Variants in TLE4 observed in about 807,000 individuals in gnomAD.
TLE4 encodes the protein TLE family member 4, transcriptional corepressor.
Under a neutral mutation model 92.8 loss-of-function variants are expected in TLE4, and 8 were observed. The ratio of observed to expected loss-of-function variants is 0.09; its 90% CI spans 0.05 to 0.16. The LOEUF is 0.16. Ranked by LOEUF, TLE4 falls within the 10% of genes least tolerant of loss-of-function variation. The pLI, the probability that TLE4 is intolerant of heterozygous loss-of-function variation, is 1.00. For synonymous variants in TLE4, 371 were observed against 374.1 expected (o/e 0.99, Z 0.10); for missense variants, 675 against 997.6 (o/e 0.68, Z 4.36).
At chr9:79,604,497 G>GTTCC (rs1446034173) in intron 4 of TLE4, among the ~76,000 whole-genome samples, 4 of 152,098 alleles carry the variant, frequency 2.6e-5, no homozygotes, top group Non-Finnish European at 4.4e-5. Flanking sequence ...CAGCTTCAAA[G>GTTCC]AATTGGAATT....
intron 7 of TLE4, 49 bp downstream of exon 7, chr9:79,652,843 G>C (rs777216698): frequency 6.3e-7 from 1 of 1,576,798 alleles, no homozygotes; most frequent in Non-Finnish European, 8.7e-7. Context: ...ACTTGCTGCT[G>C]AGGGTAGGTT....
At chr9:79,682,231 G>A (rs2064857276) in intron 8 of TLE4, among the ~76,000 whole-genome samples, 1 of 151,780 alleles carries the variant, frequency 6.6e-6, no homozygotes, top group Admixed American at 6.6e-5. Context: ...AAACTGAAAG[G>A]TTTTTTTTGC....
At chr9:79,573,463 G>C in intron 1 of TLE4, 1 of 1,033,236 alleles carries the variant, frequency 9.7e-7, no homozygotes, top group Non-Finnish European at 1.3e-6. Context: ...GGTCCGGGGC[G>C]CGGGGGCCTG....
chr9:79,646,701 G>A (rs935262412), intron 6 of TLE4, among the ~76,000 whole-genome samples: 3 of 152,042 alleles, frequency 2.0e-5, no homozygotes, highest in African/African-American at 7.2e-5. Flanking sequence ...AGTACAGAAA[G>A]GGGTCTCATT....
intron 5 of TLE4, among the ~76,000 whole-genome samples, chr9:79,614,615 C>CCAAAT (rs1398209154): frequency 6.6e-5 from 10 of 152,108 alleles, no homozygotes; most frequent in African/African-American, 2.2e-4. Flanking sequence ...GTTGTCATAC[C>CCAAAT]ACTTAACTAT....
intron 8 of TLE4, among the ~76,000 whole-genome samples, chr9:79,703,868 A>G (rs1284229808): frequency 1.3e-5 from 2 of 152,152 alleles, no homozygotes; most frequent in South Asian, 2.1e-4. Flanking sequence ...AACTTCATAA[A>G]TATGACCTAT....
chr9:79,722,261 C>T (rs897585769), intron 17 of TLE4, among the ~76,000 whole-genome samples, 190 bp from the exon 18 acceptor site: 2 of 152,228 alleles, frequency 1.3e-5, no homozygotes, highest in African/African-American at 4.8e-5. Context: ...TCACTTTTGA[C>T]TCTGGATTAA....
chr9:79,623,129 C>T (rs899147933), intron 5 of TLE4, among the ~76,000 whole-genome samples: 1 of 151,926 alleles, frequency 6.6e-6, no homozygotes, highest in East Asian at 1.9e-4. Context: ...TACTAAACAT[C>T]GGCAGTAATC....
intron 4 of TLE4, among the ~76,000 whole-genome samples, chr9:79,577,919 C>T (rs2038408699): frequency 1.3e-5 from 2 of 152,106 alleles, no homozygotes; most frequent in African/African-American, 2.4e-5. Context: ...ATAATTCTGT[C>T]ATCTTCTTGT....
At chr9:79,640,740 T>A (rs1271234628) in intron 6 of TLE4, among the ~76,000 whole-genome samples, 1 of 152,190 alleles carries the variant, frequency 6.6e-6, no homozygotes, top group Non-Finnish European at 1.5e-5. Context: ...TTTTCTTGTT[T>A]GAACCCCCTG....
intron 6 of TLE4, among the ~76,000 whole-genome samples, chr9:79,634,225 C>A (rs1185132138): frequency 6.6e-6 from 1 of 152,160 alleles, no homozygotes; most frequent in East Asian, 1.9e-4. Flanking sequence ...CCTCAAGTTA[C>A]ATTTAAATCA....
At chr9:79,637,241 G>A (rs979952721) in intron 6 of TLE4, among the ~76,000 whole-genome samples, 2 of 152,036 alleles carry the variant, frequency 1.3e-5, no homozygotes, top group Admixed American at 1.3e-4. Flanking sequence ...TTGAATATTC[G>A]CTCTGTGTTA....
chr9:79,576,037 T>C, intron 3 of TLE4, 96 bp from the exon 4 acceptor site: 1 of 789,496 alleles, frequency 1.3e-6, no homozygotes, highest in Non-Finnish European at 1.9e-6. Context: ...GGTGAGGCTT[T>C]TATGTTTGTT....
rs770191349 is a variant in TLE4, at chr9:79,572,767, G to C, written c.-24G>C. The C allele has an allele frequency of 3.1e-6, 5 of 1,597,154 alleles. No homozygotes were observed. Among genetic ancestry groups the C allele is most frequent in the Non-Finnish European group, 4.3e-6 (5 of 1,172,758 alleles). ...CCAATGAGCCGCGCGCCTCTGCCGA[G>C]CGCAGCCAACTAAATCGGCTTGGAT... On this transcript the variant is annotated 5_prime_UTR_variant, in exon 1 of 20. Transcript: ENST00000376552.
intron 8 of TLE4, among the ~76,000 whole-genome samples, chr9:79,656,390 C>T (rs902875458): frequency 6.6e-6 from 1 of 152,148 alleles, no homozygotes; most frequent in Non-Finnish European, 1.5e-5. Flanking sequence ...TAACATTTAA[C>T]AGGTAATGAA....
intron 4 of TLE4, among the ~76,000 whole-genome samples, chr9:79,592,219 T>TTCC (rs2042814813): frequency 7.8e-6 from 1 of 127,614 alleles, no homozygotes. Context: ...CTTCTTCCTC[T>TTCC]TCTTCTTCTT....
At chr9:79,708,839 C>T in intron 13 of TLE4, 53 bp downstream of exon 13, 3 of 1,535,884 alleles carry the variant, frequency 2.0e-6, no homozygotes, top group Non-Finnish European at 2.6e-6. Flanking sequence ...GATTGTCATG[C>T]TTGATTGATT....
chr9:79,580,946 G>A (rs1291938951), intron 4 of TLE4, among the ~76,000 whole-genome samples: 1 of 152,142 alleles, frequency 6.6e-6, no homozygotes. Context: ...TTTGATGTCT[G>A]CATAAACTTC....
chr9:79,575,110 C>T (rs2037316626), intron 3 of TLE4, 174 bp downstream of exon 3: 1 of 402,100 alleles, frequency 2.5e-6, no homozygotes, highest in Non-Finnish European at 4.7e-6. Flanking sequence ...TATAACTTGC[C>T]TTTGACAACT....
Sources: allele counts gnomAD v4.1 joint callset (sites outside exome capture counted in the v4.1 genomes callset), GRCh38; gene constraint gnomAD v4.1.1; transcripts MANE v1.5; gene names NCBI Gene and HGNC (gene_info 2026-07-23, HGNC 2026-07-21).